ZBTB38: variants seen among roughly 807,000 people sequenced by gnomAD.
ZBTB38 encodes the protein zinc finger and BTB domain-containing protein 38.
A neutral mutation model predicts 76.8 loss-of-function variants in ZBTB38; 20 were observed. The observed-to-expected ratio is 0.26, with a 90% CI of 0.18 to 0.38. ZBTB38 has a LOEUF of 0.38. Ranked by LOEUF, ZBTB38 falls within the 10% of genes least tolerant of loss-of-function variation. The pLI is 1.00. For missense variants in ZBTB38, 1,082 were observed against 1,482.3 expected (o/e 0.73, Z 4.43); for synonymous variants, 504 against 544.2 (o/e 0.93, Z 1.03).
intron 4 of ZBTB38, among the ~76,000 whole-genome samples, chr3:141,393,649 G>A (rs1559933678): frequency 6.6e-6 from 1 of 152,184 alleles, no homozygotes; most frequent in Non-Finnish European, 1.5e-5. Flanking sequence ...GGCAGGGTGA[G>A]GATGCAGAAG....
intron 2 of ZBTB38, among the ~76,000 whole-genome samples, chr3:141,371,111 G>A (rs895356197): frequency 3.8e-5 from 5 of 130,404 alleles, no homozygotes; most frequent in African/African-American, 6.2e-5. Flanking sequence ...GGAGTGCATC[G>A]GCATGATCTC....
intron 5 of ZBTB38, among the ~76,000 whole-genome samples, chr3:141,425,661 C>T (rs571996985): frequency 1.3e-5 from 2 of 152,376 alleles, no homozygotes; most frequent in South Asian, 4.1e-4. Flanking sequence ...GGCCCAGTTA[C>T]ATTTTGCCAG....
intron 5 of ZBTB38, among the ~76,000 whole-genome samples, chr3:141,418,199 G>C (rs1247411161): frequency 6.6e-6 from 1 of 151,960 alleles, no homozygotes; most frequent in Non-Finnish European, 1.5e-5. Flanking sequence ...TCCAGTATTG[G>C]AAACTTTTCA....
chr3:141,365,820 T>A (rs9834592), upstream of ZBTB38, among the ~76,000 whole-genome samples: 16,926 of 152,118 alleles, frequency 0.11, 3,106 homozygotes, highest in African/African-American at 0.38. Flanking sequence ...ATTACATAAT[T>A]CTGTAAATAC....
intron 2 of ZBTB38, among the ~76,000 whole-genome samples, chr3:141,380,335 C>G (rs1576811345): frequency 1.3e-5 from 2 of 152,372 alleles, no homozygotes; most frequent in Non-Finnish European, 2.9e-5. Flanking sequence ...TCCTCTTTCC[C>G]TGTTCTAGGA....
chr3:141,420,373 T>C (rs947548135), intron 5 of ZBTB38, among the ~76,000 whole-genome samples: 32 of 152,222 alleles, frequency 2.1e-4, no homozygotes, highest in African/African-American at 7.5e-4. Flanking sequence ...AGACCACAGA[T>C]CAGTTCCAGG....
chr3:141,399,174 A>T (rs1951100929), intron 4 of ZBTB38, among the ~76,000 whole-genome samples: 1 of 151,946 alleles, frequency 6.6e-6, no homozygotes, highest in East Asian at 1.9e-4. Flanking sequence ...TTATATAAAA[A>T]TCCTGATTTA....
At chr3:141,367,765 GAAATA>G (rs1559922732), upstream of ZBTB38, 1 of 152,178 alleles carries the variant, frequency 6.6e-6, no homozygotes, top group East Asian at 1.9e-4. Flanking sequence ...ACCAATAAAT[GAAATA>G]ATCTTCATAA....
chr3:141,426,262 C>T (rs1577332935), intron 5 of ZBTB38: 1 of 1,135,114 alleles, frequency 8.8e-7, no homozygotes, highest in East Asian at 5.8e-5. Flanking sequence ...AGCACACCTG[C>T]CCAGACCCTG....
rs1180090588 is a variant in ZBTB38 at position 141,442,377 on chromosome 3, CTCT to C, written c.1-10_1-8del. ...GGAAGATTATCTGACCATTTCTCTC[CTCT>C]TGTTTCAGATGACAGTCATGTCCCT... On this transcript the variant is annotated splice_polypyrimidine_tract_variant and intron_variant, in intron 5 of 5. Coordinates refer to ENST00000321464, the MANE Select transcript of ZBTB38 (RefSeq NM_001376113.1). This position sits in a 1 kb window ranked among gnomAD's most constrained non-coding sequence, Gnocchi z 6.4. 1.3e-6 allele frequency: 2 copies of C among 1,592,160 alleles called. No homozygotes were observed. Among genetic ancestry groups the C allele is most frequent in the Middle Eastern group, 1.7e-4 (1 of 5,992 alleles).
chr3:141,350,335 T>G (rs1224404726), intron 1 of ZBTB38, among the ~76,000 whole-genome samples: 1 of 152,238 alleles, frequency 6.6e-6, no homozygotes, highest in Non-Finnish European at 1.5e-5. Context: ...TATTGTAGGT[T>G]TAGTAACCAC....
chr3:141,381,718 C>T (rs1946222416), intron 3 of ZBTB38, among the ~76,000 whole-genome samples: 1 of 152,200 alleles, frequency 6.6e-6, no homozygotes, highest in African/African-American at 2.4e-5. Flanking sequence ...ATCTTGTTGG[C>T]ATATACAATT....
At chr3:141,430,088 A>T (rs9822817) in intron 5 of ZBTB38, among the ~76,000 whole-genome samples, 28,110 of 152,034 alleles carry the variant, frequency 0.18, 4,122 homozygotes, top group African/African-American at 0.4. Flanking sequence ...TTTTTGAGAC[A>T]GAGTTTCGCT....
intron 5 of ZBTB38, chr3:141,426,007 G>A (rs2076309840): frequency 1.2e-5 from 6 of 490,750 alleles, no homozygotes; most frequent in South Asian, 1.0e-4. Flanking sequence ...CTTGTTAGGT[G>A]TTGGGACACA....
chr3:141,412,179 G>A (rs1457582325), intron 5 of ZBTB38, among the ~76,000 whole-genome samples: 1 of 152,014 alleles, frequency 6.6e-6, no homozygotes. Flanking sequence ...AGTCACTGTG[G>A]TATTCTGTAA....
chr3:141,399,309 A>G (rs781441441), intron 4 of ZBTB38, among the ~76,000 whole-genome samples: 8 of 152,148 alleles, frequency 5.3e-5, no homozygotes, highest in Admixed American at 1.3e-4. Flanking sequence ...ATTCTCCTGC[A>G]GGCCAAAATT....
chr3:141,329,155 T>A (rs1469195220), intron 1 of ZBTB38, among the ~76,000 whole-genome samples: 1 of 152,238 alleles, frequency 6.6e-6, no homozygotes, highest in Non-Finnish European at 1.5e-5. Context: ...TTTCCTGTCT[T>A]TTCCCCTTGA....
chr3:141,438,892 G>A (rs1006825457), intron 5 of ZBTB38, among the ~76,000 whole-genome samples: 19 of 151,762 alleles, frequency 1.3e-4, no homozygotes, highest in Middle Eastern at 3.4e-3. Flanking sequence ...CGACTGGGCT[G>A]CACACACTAC....
intron 5 of ZBTB38, among the ~76,000 whole-genome samples, chr3:141,440,806 C>T (rs572372903): frequency 8.7e-4 from 133 of 152,046 alleles, no homozygotes; most frequent in Middle Eastern, 3.4e-3. Context: ...GAGGCTGAGG[C>T]GGGCAGATCA....
Sources: allele counts gnomAD v4.1 joint callset (sites outside exome capture counted in the v4.1 genomes callset), GRCh38; gene constraint gnomAD v4.1.1; non-coding constraint Gnocchi (gnomAD v3.1); transcripts MANE v1.5; gene names NCBI Gene and HGNC (gene_info 2026-07-23, HGNC 2026-07-21).